ERAP1: variants seen among roughly 807,000 people sequenced by gnomAD.
ERAP1 encodes adipocyte-derived leucine aminopeptidase.
ERAP1 carries 86 observed loss-of-function variants against 103.7 expected under a neutral mutation model. That is an observed-to-expected ratio of 0.83 (90% CI 0.70 to 0.99). The LOEUF is 0.99. Ranked by LOEUF, ERAP1 falls within the 50% of genes least tolerant of loss-of-function variation. The pLI is 0.00. For missense variants in ERAP1, 1,009 were observed against 1,128.4 expected (o/e 0.89, Z 1.52); for synonymous variants, 398 against 402.4 (o/e 0.99, Z 0.13).
intron 19 of ERAP1, among the ~76,000 whole-genome samples, chr5:96,764,600 T>G (rs537106818): frequency 6.6e-6 from 1 of 152,262 alleles, no homozygotes; most frequent in Non-Finnish European, 1.5e-5. Context: ...CCAGATTGTC[T>G]CTGGGGTTTT....
At chr5:96,866,017 T>C in the ERAP1 span, among the ~76,000 whole-genome samples, 5 of 152,364 alleles carry the variant, frequency 3.3e-5, no homozygotes, top group South Asian at 1.0e-3. Flanking sequence ...CTACCAAATA[T>C]ACATACTTAC....
At chr5:96,920,827 G>A in the ERAP1 span, among the ~76,000 whole-genome samples, 1 of 152,356 alleles carries the variant, frequency 6.6e-6, no homozygotes, top group East Asian at 1.9e-4. Flanking sequence ...AAGGAAGAAA[G>A]TCTGAAAAGG....
At chr5:96,933,003 G>A in the ERAP1 span, among the ~76,000 whole-genome samples, 1 of 152,226 alleles carries the variant, frequency 6.6e-6, no homozygotes. Flanking sequence ...TTCTGTGTGG[G>A]AGGATAGGCG....
Position 96,786,754 on chromosome 5 carries a change from C to T in ERAP1, c.1680-205G>A, listed in dbSNP as rs13154629. On this transcript the variant is annotated intron_variant, in intron 11 of 18. Transcript: ENST00000443439. ...GGCACTATTTCCTTTTCTTGGACTC[C>T]TTGAGTAGAGCTAAGAATTTGGACT... is the stretch of plus-strand genomic sequence containing the variant. The T allele has an allele frequency of 0.16, 90,351 of 549,760 alleles. 8,366 individuals carry two copies. Among genetic ancestry groups the T allele is most frequent in the Non-Finnish European group, 0.21 (62,828 of 305,858 alleles). The allele number at this position is 549,760 out of a possible 1,614,324, so 34.1% of individuals were successfully genotyped here.
At chr5:96,922,184 G>T in the ERAP1 span, among the ~76,000 whole-genome samples, 89 of 152,312 alleles carry the variant, frequency 5.8e-4, no homozygotes, top group African/African-American at 1.9e-3. Flanking sequence ...TGTAGTCCCA[G>T]CTACTCGGGA....
At chr5:96,904,367 T>G in the ERAP1 span, among the ~76,000 whole-genome samples, 1 of 152,356 alleles carries the variant, frequency 6.6e-6, no homozygotes, top group Non-Finnish European at 1.5e-5. Flanking sequence ...GCACTCACTT[T>G]ACTCAATGTG....
rs115110373 is a variant in ERAP1, at chr5:96,778,813, C to T, written c.2670+1610G>A. On this transcript the variant is annotated intron_variant, in intron 18 of 18. Coordinates refer to ENST00000443439, the MANE Select transcript of ERAP1 (RefSeq NM_001040458.3). The stretch of plus-strand genomic sequence containing the variant: ...ATGGGGGTAAGAGCAGAGAGAAGTG[C>T]GCAAGATCCAGTGCATGTGCTGAGG... 8.5e-3 allele frequency among the ~76,000 whole-genome samples: 1,301 copies of T among 152,212 alleles called. 27 individuals are homozygous for T. Among genetic ancestry groups the T allele is most frequent in the African/African-American group, 0.03 (1,246 of 41,510 alleles).
chr5:96,797,809 A>G (rs1777513243), intron 3 of ERAP1, among the ~76,000 whole-genome samples: 1 of 152,238 alleles, frequency 6.6e-6, no homozygotes, highest in Non-Finnish European at 1.5e-5. Flanking sequence ...AAAGTTTACA[A>G]TACACTGTAA....
At chr5:96,770,582 A>G (rs557813558), downstream of ERAP1, 20 of 1,612,316 alleles carry the variant, frequency 1.2e-5, no homozygotes, top group South Asian at 1.5e-4. Context: ...GAATGGAGGT[A>G]AAGCGAAGGA....
chr5:96,853,782 G>A, the ERAP1 span, among the ~76,000 whole-genome samples: 11 of 150,232 alleles, frequency 7.3e-5, no homozygotes, highest in Non-Finnish European at 1.5e-4. Context: ...TTTTGTGAGC[G>A]AGTACCTAAG....
intron 19 of ERAP1, among the ~76,000 whole-genome samples, chr5:96,765,579 A>G (rs187454213): frequency 6.4e-4 from 98 of 152,264 alleles, no homozygotes; most frequent in Non-Finnish European, 1.2e-3. Flanking sequence ...GCTTCCTCCC[A>G]TGCAACACAA....
Position 96,792,200 on chromosome 5 carries a change from GAT to G in ERAP1, c.1189-10_1189-9del. ...GCCAAAGAAATAATCTCCCTATTGA[GAT>G]AGAAAAAAGAAAACATCACCTATGA... is the stretch of plus-strand genomic sequence containing the variant. On this transcript the variant is annotated splice_polypyrimidine_tract_variant and intron_variant, in intron 7 of 18. Transcript: ENST00000443439. 1 of 1,612,870 alleles carries G rather than the reference GAT, an allele frequency of 6.2e-7. No individual in the cohort carries two copies. The highest frequency in any genetic ancestry group is 8.5e-7 in the Non-Finnish European group (1 of 1,178,992).
the ERAP1 span, among the ~76,000 whole-genome samples, chr5:96,815,407 G>GTTTTTTTTTTTTTT: frequency 9.5e-5 from 10 of 105,454 alleles, 1 homozygote; most frequent in Admixed American, 3.6e-4. Flanking sequence ...TGTTTGTTTT[G>GTTTTTTTTTTTTTT]TTTTTTATTT....
the ERAP1 span, among the ~76,000 whole-genome samples, chr5:96,926,337 A>G: frequency 6.6e-6 from 1 of 152,220 alleles, no homozygotes; most frequent in Non-Finnish European, 1.5e-5. Context: ...AAATTCATCC[A>G]TTTAAAGTTT....
At chr5:96,797,357 C>G in intron 3 of ERAP1, 48 bp from the exon 4 acceptor site, 3 of 1,588,242 alleles carry the variant, frequency 1.9e-6, no homozygotes, top group Non-Finnish European at 2.6e-6. Context: ...TTATCCAATA[C>G]AGTGAACATG....
chr5:96,770,657 G>C, downstream of ERAP1: 1 of 1,187,684 alleles, frequency 8.4e-7, no homozygotes, highest in Non-Finnish European at 1.3e-6. Flanking sequence ...ACAGAGTAGG[G>C]TTTATCATTT....
intron 19 of ERAP1, among the ~76,000 whole-genome samples, chr5:96,765,526 C>T (rs768420080): frequency 6.6e-6 from 1 of 152,046 alleles, no homozygotes; most frequent in African/African-American, 2.4e-5. Context: ...ACCAGCGGAG[C>T]CTCCCTGAGG....
At chr5:96,842,721 T>G in the ERAP1 span, among the ~76,000 whole-genome samples, 1 of 152,266 alleles carries the variant, frequency 6.6e-6, no homozygotes, top group Non-Finnish European at 1.5e-5. Flanking sequence ...TCTCCCACTC[T>G]GTGGGTTGTC....
At chr5:96,895,239 C>G in the ERAP1 span, 1 of 1,550,686 alleles carries the variant, frequency 6.4e-7, no homozygotes, top group Non-Finnish European at 8.8e-7. Flanking sequence ...GAGTTTTTAC[C>G]TCCTAGTGGT....
Sources: allele counts gnomAD v4.1 joint callset (sites outside exome capture counted in the v4.1 genomes callset), GRCh38; gene constraint gnomAD v4.1.1; transcripts MANE v1.5; gene names NCBI Gene and HGNC (gene_info 2026-07-23, HGNC 2026-07-21).